The following RFX1 variants were observed in gnomAD, a reference collection of about 807,000 sequenced individuals.
RFX1 encodes the protein MHC class II regulatory factor RFX1.
A neutral mutation model predicts 119.6 loss-of-function variants in RFX1; 42 were observed. That is an observed-to-expected ratio of 0.35 (90% confidence interval 0.27 to 0.45). RFX1 has a LOEUF of 0.45. RFX1 is among the 20% of genes least tolerant of loss of function. RFX1 has a pLI of 1.00. For missense variants in RFX1, 1,118 were observed against 1,368.1 expected (o/e 0.82, Z 2.88); for synonymous variants, 628 against 618.5 (o/e 1.02, Z -0.23).
Position 13,972,833 on chromosome 19 carries a change from G to C in RFX1, c.1224C>G (p.Ser408Arg). 1 of 1,592,424 alleles carries C rather than the reference G, an allele frequency of 6.3e-7. No homozygotes were observed. The highest frequency in any genetic ancestry group is 1.3e-5 in the African/African-American group (1 of 74,534). Residue 408 changes from serine to arginine, a missense_variant, in exon 9 of 21, where the codon AGC becomes AGG. Ser to Arg is a moderately radical substitution (Grantham distance 110). Coordinates refer to ENST00000254325, the MANE Select transcript of RFX1 (RefSeq NM_002918.5). Reference protein sequence around the residue: ...GGSGSTGGGGSGAGTYVIQGG... With the variant: ...GGSGSTGGGGRGAGTYVIQGG... Reference sequence around the variant, plus strand: ...CTTGGATCACGTAGGTGCCTGCTCCGCTGCCGCCGCCTCCGGTGCTGCCAC... The same window carrying C: ...CTTGGATCACGTAGGTGCCTGCTCCCCTGCCGCCGCCTCCGGTGCTGCCAC...
At chr19:14,001,573 T>C (rs1203433187) in intron 1 of RFX1, among the ~76,000 whole-genome samples, 1 of 152,208 alleles carries the variant, frequency 6.6e-6, no homozygotes, top group Non-Finnish European at 1.5e-5. Flanking sequence ...AGTGCTGGGA[T>C]TACAAGCATA....
At chr19:13,988,164 C>T (rs1187218370) in intron 2 of RFX1, among the ~76,000 whole-genome samples, 1 of 152,004 alleles carries the variant, frequency 6.6e-6, no homozygotes, top group Admixed American at 6.6e-5. Context: ...GTAGCTGGTG[C>T]TACAGGCACA....
rs1242140330 is a variant in RFX1, at chr19:13,990,935, C to T, written c.319+2590G>A. On this transcript the variant is annotated intron_variant, in intron 2 of 20. Coordinates refer to ENST00000254325, the MANE Select transcript of RFX1 (RefSeq NM_002918.5). The surrounding 1 kb of genome is among the most constrained non-coding windows in gnomAD (Gnocchi z 4.1). The stretch of plus-strand genomic sequence containing the variant: ...TGGAGGTTACAGTGAGCCATGATTG[C>T]ACCATTGCACTCCAGCCTGGGCGAC... 6.6e-6 allele frequency among the ~76,000 whole-genome samples: 1 copy of T among 151,928 alleles called. No individual in the cohort carries two copies. The highest frequency in any genetic ancestry group is 1.5e-5 in the Non-Finnish European group (1 of 67,986).
rs1599466331 is a variant in RFX1, at chr19:13,961,752, T to G, written c.*943A>C. The G allele has an allele frequency of 1.3e-5, 2 of 152,342 alleles. No homozygotes were observed. The highest frequency in any genetic ancestry group is 4.8e-5 in the African/African-American group (2 of 41,432). 9.4% of individuals were successfully genotyped at this position (152,342 alleles called of 1,614,324 possible). On this transcript the variant is annotated 3_prime_UTR_variant, in exon 21 of 21. Coordinates refer to ENST00000254325, the MANE Select transcript of RFX1 (RefSeq NM_002918.5). The stretch of plus-strand genomic sequence containing the variant: ...GGTCAGATTTCCATTTTTTTTTCCT[T>G]TTTCTTGCCATAAACATCTATCTCA...
At chr19:13,993,328 A>G (rs905835747) in intron 2 of RFX1, among the ~76,000 whole-genome samples, 197 bp downstream of exon 2, 1 of 152,162 alleles carries the variant, frequency 6.6e-6, no homozygotes, top group Non-Finnish European at 1.5e-5. Context: ...AAGAAGCTCT[A>G]AGAGCTGCTC....
intron 1 of RFX1, among the ~76,000 whole-genome samples, chr19:13,994,755 G>A (rs1974933824): frequency 6.8e-6 from 1 of 146,358 alleles, no homozygotes; most frequent in South Asian, 2.1e-4. Context: ...GTGTGTGTGT[G>A]TGTATTTTTT....
intron 9 of RFX1, 99 bp from the exon 10 acceptor site, chr19:13,970,274 C>A: frequency 9.9e-7 from 1 of 1,011,148 alleles, no homozygotes; most frequent in South Asian, 1.6e-5. Flanking sequence ...AGCTGGGATC[C>A]TGACAGCCAC....
Position 13,962,642 on chromosome 19 carries a change from G to A in RFX1, c.*53C>T. ...ACCACGAAGCCACAGAAGCTTTGAG[G>A]GACCCTGGCGTGGAGGGGTGGCGGG... On this transcript the variant is annotated 3_prime_UTR_variant, in exon 21 of 21. Transcript: ENST00000254325. 2.9e-6 allele frequency: 4 copies of A among 1,356,184 alleles called. No individual in the cohort carries two copies. The highest frequency in any genetic ancestry group is 3.9e-6 in the Non-Finnish European group (4 of 1,031,346). 84.0% of individuals were successfully genotyped at this position (1,356,184 alleles called of 1,614,324 possible).
In RFX1 at chr19:13,978,103, G is replaced by A. The variant is rs753887548; in HGVS notation, c.835-17C>T. The A allele has an allele frequency of 1.3e-6, 2 of 1,596,742 alleles. No homozygotes were observed. Among genetic ancestry groups the A allele is most frequent in the Non-Finnish European group, 1.7e-6 (2 of 1,165,940 alleles). On this transcript the variant is annotated splice_polypyrimidine_tract_variant and intron_variant, in intron 7 of 20. Coordinates refer to ENST00000254325, the MANE Select transcript of RFX1 (RefSeq NM_002918.5). ...CTGCTGCACCTGGGGCAGAGGAAGG[G>A]CACGTGGAGGGTCAGGGGTGGGCCA...
At chr19:13,994,923 T>C (rs10419019) in intron 1 of RFX1, among the ~76,000 whole-genome samples, 1 of 120,762 alleles carries the variant, frequency 8.3e-6, no homozygotes, top group Non-Finnish European at 1.7e-5. Context: ...TATATATATA[T>C]ATATATATAT....
intron 4 of RFX1, among the ~76,000 whole-genome samples, chr19:13,982,765 T>G (rs766949867): frequency 2.6e-5 from 4 of 152,084 alleles, no homozygotes; most frequent in Non-Finnish European, 5.9e-5. Context: ...GATCGAGCCA[T>G]TGTAAAACCC....
upstream of RFX1, chr19:14,006,650 A>G (rs1975391108): frequency 6.6e-6 from 1 of 152,260 alleles, no homozygotes; most frequent in African/African-American, 2.4e-5. Context: ...AATCTACCAA[A>G]GGTTTGCCGC....
rs566150731 is a variant in RFX1 at position 13,994,893 on chromosome 19, C to CATATATAT, written c.-52-1006_-52-999dup. ...GTATATGTATATTGAAATATACATA[C>CATATATAT]ATATATATATATATATATATATATA... On this transcript the variant is annotated intron_variant, in intron 1 of 20. Transcript: ENST00000254325. 2.3e-3 allele frequency among the ~76,000 whole-genome samples: 139 copies of CATATATAT among 59,208 alleles called. 1 individual carries two copies. Among genetic ancestry groups the CATATATAT allele is most frequent in the Admixed American group, 3.9e-3 (16 of 4,088 alleles). The allele number at this position is 59,208 out of a possible 152,430, so 38.8% of individuals were successfully genotyped here. A position where few individuals can be genotyped will look rare whatever the true frequency, so the allele number is the denominator to read the frequency against.
chr19:13,983,330 T>C (rs1048070105), intron 3 of RFX1, 60 bp from the exon 4 acceptor site: 5 of 1,426,506 alleles, frequency 3.5e-6, no homozygotes, highest in Admixed American at 2.0e-5. Flanking sequence ...CCTGGCGTGG[T>C]TGGGTGGCGG....
intron 8 of RFX1, among the ~76,000 whole-genome samples, chr19:13,973,406 G>A (rs1568464615): frequency 6.6e-6 from 1 of 152,136 alleles, no homozygotes; most frequent in East Asian, 1.9e-4. Context: ...AAGGCCAGGA[G>A]TTCAAGACTA....
intron 1 of RFX1, among the ~76,000 whole-genome samples, chr19:13,996,981 C>T (rs1975049520): frequency 6.6e-6 from 1 of 152,192 alleles, no homozygotes. Context: ...ACCTCGGCCT[C>T]CCAAAGTGCT....
chr19:13,963,798 G>A, intron 17 of RFX1, 52 bp from the exon 18 acceptor site: 4 of 1,494,592 alleles, frequency 2.7e-6, no homozygotes, highest in Non-Finnish European at 3.6e-6. Context: ...CGTCACCCCC[G>A]CCTGGCCCGC....
chr19:13,970,195 G>A lies in RFX1; in HGVS notation c.1315-20C>T, dbSNP rs1974034296. The A allele has an allele frequency of 6.3e-7, 1 of 1,581,924 alleles. No individual in the cohort carries two copies. The highest frequency in any genetic ancestry group is 8.6e-7 in the Non-Finnish European group (1 of 1,160,886). Reference sequence around the variant, plus strand: ...CTGGACCTGGGGTGGGAGGGAGATGGGAGAGCACCAGTCAGAGGCGCTTCC... The same window carrying A: ...CTGGACCTGGGGTGGGAGGGAGATGAGAGAGCACCAGTCAGAGGCGCTTCC... On this transcript the variant is annotated intron_variant, in intron 9 of 20. Coordinates refer to ENST00000254325, the MANE Select transcript of RFX1 (RefSeq NM_002918.5).
intron 7 of RFX1, among the ~76,000 whole-genome samples, chr19:13,978,969 C>A (rs1404753931): frequency 6.6e-6 from 1 of 151,636 alleles, no homozygotes; most frequent in Non-Finnish European, 1.5e-5. Flanking sequence ...GGCTGCCTAG[C>A]TGCGGGGCCT....
Sources: allele counts gnomAD v4.1 joint callset (sites outside exome capture counted in the v4.1 genomes callset), GRCh38; gene constraint gnomAD v4.1.1; non-coding constraint Gnocchi (gnomAD v3.1); transcripts MANE v1.5; gene names NCBI Gene and HGNC (gene_info 2026-07-23, HGNC 2026-07-21).